CCDC148: variants seen among roughly 807,000 people sequenced by gnomAD.
CCDC148 encodes coiled-coil domain-containing protein 148.
Under a neutral mutation model 85.7 loss-of-function variants are expected in CCDC148, and 89 were observed. The observed-to-expected ratio is 1.04, with a 90% CI of 0.87 to 1.24. The LOEUF is 1.24. Among genes scored for constraint, CCDC148 ranks in the 50% most tolerant of loss-of-function variants. The pLI is 0.00. For missense variants in CCDC148, 692 were observed against 671.7 expected (o/e 1.03, Z -0.33); for synonymous variants, 230 against 213.9 (o/e 1.08, Z -0.66).
chr2:158,199,996 C>T (rs34168435), intron 11 of CCDC148, among the ~76,000 whole-genome samples: 2,426 of 152,160 alleles, frequency 0.016, 66 homozygotes, highest in African/African-American at 0.054. Context: ...AGGGTTGAGA[C>T]GCATTCAAAC....
intron 10 of CCDC148, among the ~76,000 whole-genome samples, chr2:158,240,202 G>A (rs886954974): frequency 4.0e-5 from 6 of 151,620 alleles, no homozygotes; most frequent in African/African-American, 1.5e-4. Context: ...TGTTTCCAGG[G>A]TCTAAGAAGT....
chr2:158,439,540 G>T (rs1167855182), intron 1 of CCDC148, among the ~76,000 whole-genome samples: 1 of 152,046 alleles, frequency 6.6e-6, no homozygotes, highest in Non-Finnish European at 1.5e-5. Context: ...ATGAGTTAAT[G>T]GGTTCAGCAT....
At chr2:158,256,873 C>T (rs1456430085) in intron 9 of CCDC148, among the ~76,000 whole-genome samples, 2 of 151,788 alleles carry the variant, frequency 1.3e-5, no homozygotes, top group African/African-American at 4.8e-5. Flanking sequence ...TATTACAGCA[C>T]GTATCAAGTG....
intron 1 of CCDC148, among the ~76,000 whole-genome samples, chr2:158,392,814 T>C (rs1415907402): frequency 6.6e-6 from 1 of 152,132 alleles, no homozygotes; most frequent in Admixed American, 6.6e-5. Flanking sequence ...TTCTATAAGA[T>C]GTTACTGGAT....
In CCDC148 at chr2:158,401,673, C is replaced by T. The variant is rs181016046; in HGVS notation, c.26-43103G>A. Among the ~76,000 whole-genome samples the T allele has an allele frequency of 1.4e-4, 21 of 151,996 alleles. No homozygotes were observed. The East Asian group carries it at 4.1e-3, about 29-fold the overall frequency. On this transcript the variant is annotated intron_variant, in intron 1 of 13. Coordinates refer to ENST00000283233, the MANE Select transcript of CCDC148 (RefSeq NM_138803.4). Reference sequence around the variant, plus strand: ...AACCTGCACATTGTGCTCACGTACCCTAGAACTTAAAAGTATAATAATAAT... The same window carrying T: ...AACCTGCACATTGTGCTCACGTACCTTAGAACTTAAAAGTATAATAATAAT...
intron 9 of CCDC148, among the ~76,000 whole-genome samples, chr2:158,295,340 T>C (rs1000491026): frequency 4.0e-5 from 6 of 151,832 alleles, no homozygotes; most frequent in African/African-American, 9.7e-5. Flanking sequence ...TTCCAATCAA[T>C]AGAAAAAGAG....
rs376121261 is a variant in CCDC148 at position 158,210,282 on chromosome 2, C to T, written c.1370+10313G>A. ...GCGAGCTATCCTAAATATATATGCA[C>T]CCAATACAGGAGCACTCAGATTCAT... On this transcript the variant is annotated intron_variant, in intron 11 of 13. Coordinates refer to ENST00000283233, the MANE Select transcript of CCDC148 (RefSeq NM_138803.4). Among the ~76,000 whole-genome samples the T allele has an allele frequency of 1.1e-4, 17 of 152,252 alleles. No homozygotes were observed. The East Asian group carries it at 2.9e-3, about 26-fold the overall frequency.
chr2:158,333,024 C>G (rs1013338043), intron 7 of CCDC148, among the ~76,000 whole-genome samples: 9 of 151,986 alleles, frequency 5.9e-5, no homozygotes, highest in Admixed American at 5.2e-4. Context: ...TTTCTTGTCT[C>G]TATCTCTTTC....
At chr2:158,426,353 C>T (rs1559137323) in intron 1 of CCDC148, among the ~76,000 whole-genome samples, 1 of 151,838 alleles carries the variant, frequency 6.6e-6, no homozygotes, top group African/African-American at 2.4e-5. Context: ...CTGCAAATGC[C>T]GTGTGAGTTT....
Position 158,172,057 on chromosome 2 carries a change from C to A in CCDC148, c.*56G>T. On this transcript the variant is annotated 3_prime_UTR_variant, in exon 14 of 14. Transcript: ENST00000283233. ...TTAGAAAGTAGTAATTATTATTATC[C>A]ATATACATGTTTTCAAAGAAAAATG... 1 of 1,164,368 alleles carries A rather than the reference C, an allele frequency of 8.6e-7. No homozygotes were observed. Among genetic ancestry groups the A allele is most frequent in the Non-Finnish European group, 1.2e-6 (1 of 825,116 alleles). 72.1% of individuals were successfully genotyped at this position (1,164,368 alleles called of 1,614,324 possible). A position where few individuals can be genotyped will look rare whatever the true frequency, so the allele number is the denominator to read the frequency against.
chr2:158,224,778 T>G (rs1437131689), intron 10 of CCDC148, among the ~76,000 whole-genome samples: 1 of 152,140 alleles, frequency 6.6e-6, no homozygotes, highest in South Asian at 2.1e-4. Flanking sequence ...CCACCAGGCC[T>G]GCCCTAAAAG....
At chr2:158,230,789 G>A (rs560810755) in intron 10 of CCDC148, among the ~76,000 whole-genome samples, 1 of 152,286 alleles carries the variant, frequency 6.6e-6, no homozygotes, top group African/African-American at 2.4e-5. Context: ...ATGGATTCAA[G>A]TGTTCAGATC....
In CCDC148 at chr2:158,283,007, T is replaced by C. The variant is rs1243297749; in HGVS notation, c.1110+26426A>G. On this transcript the variant is annotated intron_variant, in intron 9 of 13. Transcript: ENST00000283233. ...ACAACTATGTGATCTTTGACAAACCTGAGAAAAACAAGCAATGGGGAAAGG... is the reference window on the plus strand; with the variant it reads ...ACAACTATGTGATCTTTGACAAACCCGAGAAAAACAAGCAATGGGGAAAGG... Among the ~76,000 whole-genome samples, 3 of 152,108 alleles carry C rather than the reference T, an allele frequency of 2.0e-5. No individual in the cohort carries two copies. In the East Asian group the frequency reaches 5.8e-4, roughly 29 times the overall value.
chr2:158,295,244 C>T (rs531653909), intron 9 of CCDC148, among the ~76,000 whole-genome samples: 154 of 152,020 alleles, frequency 1.0e-3, no homozygotes, highest in Non-Finnish European at 1.9e-3. Context: ...AGCTTACCAA[C>T]CAAAAAGAAT....
intron 1 of CCDC148, among the ~76,000 whole-genome samples, chr2:158,386,907 C>G (rs1219289637): frequency 6.6e-6 from 1 of 152,116 alleles, no homozygotes; most frequent in Non-Finnish European, 1.5e-5. Context: ...CTGCCCTATT[C>G]TTGTTCTAGT....
chr2:158,418,334 C>T (rs752837741), intron 1 of CCDC148, among the ~76,000 whole-genome samples: 3 of 152,078 alleles, frequency 2.0e-5, no homozygotes, highest in Admixed American at 6.6e-5. Flanking sequence ...TTAATAGTAT[C>T]AAGAAGGCAA....
At chr2:158,340,023 C>A (rs1167108072) in intron 5 of CCDC148, among the ~76,000 whole-genome samples, 2 of 152,126 alleles carry the variant, frequency 1.3e-5, no homozygotes, top group African/African-American at 4.8e-5. Context: ...TATGAGGCCA[C>A]TGGAACATTC....
chr2:158,262,745 C>T (rs551144014), intron 9 of CCDC148, among the ~76,000 whole-genome samples: 2 of 152,058 alleles, frequency 1.3e-5, no homozygotes, highest in South Asian at 4.1e-4. Context: ...ATGAGAACAG[C>T]ATGGAGAAAG....
intron 10 of CCDC148, among the ~76,000 whole-genome samples, chr2:158,247,614 T>A (rs1015490579): frequency 2.6e-5 from 4 of 152,100 alleles, no homozygotes; most frequent in Non-Finnish European, 5.9e-5. Context: ...CCCAGCACTT[T>A]GGGAGGCTGA....
Sources: allele counts gnomAD v4.1 joint callset (sites outside exome capture counted in the v4.1 genomes callset), GRCh38; gene constraint gnomAD v4.1.1; transcripts MANE v1.5; gene names NCBI Gene and HGNC (gene_info 2026-07-23, HGNC 2026-07-21).